Variants in TNPO1 observed in about 807,000 individuals in gnomAD.
TNPO1 encodes transportin 1.
A neutral mutation model predicts 119.5 loss-of-function variants in TNPO1; 8 were observed. The ratio of observed to expected loss-of-function variants is 0.07; its 90% CI spans 0.04 to 0.12. TNPO1 has a LOEUF of 0.12. Ranked by LOEUF, TNPO1 falls within the 10% of genes least tolerant of loss-of-function variation. TNPO1 has a pLI of 1.00. For missense variants in TNPO1, 576 were observed against 1,089.8 expected (o/e 0.53, Z 6.64); for synonymous variants, 362 against 363.0 (o/e 1.00, Z 0.03).
intron 9 of TNPO1, among the ~76,000 whole-genome samples, chr5:72,878,167 C>T (rs1324721257): frequency 6.6e-6 from 1 of 151,932 alleles, no homozygotes; most frequent in African/African-American, 2.4e-5. Context: ...GAGAGAGAGA[C>T]TGTTCTCTGC....
chr5:72,817,889 G>T (rs1222137002), intron 1 of TNPO1, among the ~76,000 whole-genome samples: 6 of 152,186 alleles, frequency 3.9e-5, no homozygotes, highest in Non-Finnish European at 8.8e-5. Flanking sequence ...AAGAAGCTAT[G>T]TTTAGTGGAA....
intron 9 of TNPO1, among the ~76,000 whole-genome samples, chr5:72,881,938 C>G (rs1748274556): frequency 6.6e-6 from 1 of 152,112 alleles, no homozygotes; most frequent in South Asian, 2.1e-4. Context: ...AAAACTCAAA[C>G]TTTTTTTGAG....
chr5:72,867,345 T>C (rs1746988570), intron 6 of TNPO1, among the ~76,000 whole-genome samples: 1 of 151,832 alleles, frequency 6.6e-6, no homozygotes, highest in South Asian at 2.1e-4. Context: ...TAATACCTTA[T>C]TAATGTAGTT....
chr5:72,864,954 A>G (rs960978090), intron 5 of TNPO1, among the ~76,000 whole-genome samples: 8 of 152,196 alleles, frequency 5.3e-5, no homozygotes, highest in African/African-American at 1.9e-4. Context: ...TGCTTCAAAA[A>G]GAAAAGTATT....
intron 1 of TNPO1, among the ~76,000 whole-genome samples, chr5:72,837,802 CA>C (rs1744749331): frequency 6.6e-6 from 1 of 152,166 alleles, no homozygotes; most frequent in African/African-American, 2.4e-5. Context: ...CGCCATTTCA[CA>C]GATGACTAAA....
In TNPO1 at chr5:72,866,625, A is replaced by G. The variant is rs528795335; in HGVS notation, c.596+896A>G. ...AAAAATTAGCTGGGCATGGTGTCAC[A>G]CACCTGTGGTCCGAGCTACTTGAAG... On this transcript the variant is annotated intron_variant, in intron 6 of 24. Transcript: ENST00000337273. Among the ~76,000 whole-genome samples, 10 of 152,150 alleles carry G rather than the reference A, an allele frequency of 6.6e-5. No individual in the cohort carries two copies. In the South Asian group the frequency reaches 1.9e-3, roughly 28 times the overall value.
At chr5:72,900,226 T>A in intron 21 of TNPO1, 145 bp downstream of exon 21, 1 of 654,480 alleles carries the variant, frequency 1.5e-6, no homozygotes, top group East Asian at 2.8e-5. Flanking sequence ...TCCTATCAGG[T>A]TTGTGAGGTT....
intron 7 of TNPO1, 37 bp downstream of exon 7, chr5:72,872,757 C>CTTT: frequency 1.9e-5 from 22 of 1,183,286 alleles, no homozygotes; most frequent in South Asian, 1.3e-4. Context: ...AACCCCCCAG[C>CTTT]TTTTTTTTTT....
At position 72,877,387 on chromosome 5, in the gene TNPO1, T is replaced by C. The variant is rs372285952; in HGVS notation, c.920+41T>C. 3.1e-5 allele frequency: 28 copies of C among 916,992 alleles called. No individual in the cohort carries two copies. In the African/African-American group the frequency reaches 4.7e-4, roughly 15 times the overall value. 56.8% of individuals were successfully genotyped at this position (916,992 alleles called of 1,614,324 possible). A position where few individuals can be genotyped will look rare whatever the true frequency, so the allele number is the denominator to read the frequency against. ...TATAAATGCTGCCTTGTTCTTTAAT[T>C]TCTTAAGTGATTCTTCATTTTCATA... is the stretch of plus-strand genomic sequence containing the variant. On this transcript the variant is annotated intron_variant, in intron 9 of 24. Transcript: ENST00000337273.
At chr5:72,892,147 T>C (rs916709845) in intron 15 of TNPO1, among the ~76,000 whole-genome samples, 1 of 152,106 alleles carries the variant, frequency 6.6e-6, no homozygotes, top group African/African-American at 2.4e-5. Context: ...GTAGATAACA[T>C]ACTGGGAGGA....
intron 11 of TNPO1, 142 bp from the exon 12 acceptor site, chr5:72,886,928 C>T (rs140540470): frequency 0.013 from 6,781 of 518,596 alleles, 82 homozygotes; most frequent in Middle Eastern, 0.017. Flanking sequence ...AATGTTTTCA[C>T]GTGACAAACT....
intron 1 of TNPO1, 103 bp downstream of exon 1, chr5:72,816,855 C>G: frequency 7.2e-7 from 1 of 1,397,568 alleles, no homozygotes; most frequent in Non-Finnish European, 9.6e-7. Flanking sequence ...CCGGGCTCGC[C>G]CGCTCTCTCG....
In TNPO1 at chr5:72,822,322, A is replaced by G. The variant is rs1188634002; in HGVS notation, c.15+5570A>G. On this transcript the variant is annotated intron_variant, in intron 1 of 24. Coordinates refer to ENST00000337273, the MANE Select transcript of TNPO1 (RefSeq NM_002270.4). Reference sequence around the variant, plus strand: ...CAGAAAAATGCAAAGTAAAGCAGTGACTTTTTTTTTTTTCTCATTATACTG... The same window carrying G: ...CAGAAAAATGCAAAGTAAAGCAGTGGCTTTTTTTTTTTTCTCATTATACTG... Among the ~76,000 whole-genome samples, 8 of 112,294 alleles carry G rather than the reference A, an allele frequency of 7.1e-5. No individual in the cohort carries two copies. The South Asian group carries it at 1.8e-3, about 26-fold the overall frequency. The allele number at this position is 112,294 out of a possible 152,430, so 73.7% of individuals were successfully genotyped here.
intron 13 of TNPO1, 84 bp downstream of exon 13, chr5:72,888,387 C>G (rs759916089): frequency 1.9e-4 from 229 of 1,209,998 alleles, no homozygotes; most frequent in Non-Finnish European, 2.5e-4. Context: ...GGTGTTAAAC[C>G]TATAATGAAG....
chr5:72,871,178 T>C (rs1488760267), intron 6 of TNPO1, among the ~76,000 whole-genome samples: 1 of 152,134 alleles, frequency 6.6e-6, no homozygotes, highest in Non-Finnish European at 1.5e-5. Context: ...GGTTTCACCA[T>C]GTTGGCCAGG....
chr5:72,874,355 C>G (rs766613250), intron 7 of TNPO1, among the ~76,000 whole-genome samples: 4 of 152,082 alleles, frequency 2.6e-5, no homozygotes, highest in Admixed American at 1.3e-4. Context: ...TTATTGGTTA[C>G]CAGTACATGG....
At chr5:72,866,550 T>C (rs1746919660) in intron 6 of TNPO1, among the ~76,000 whole-genome samples, 1 of 151,920 alleles carries the variant, frequency 6.6e-6, no homozygotes, top group African/African-American at 2.4e-5. Context: ...GCTCAGGAGT[T>C]CAAGACTAGC....
At chr5:72,839,644 C>T (rs1744827030) in intron 1 of TNPO1, among the ~76,000 whole-genome samples, 1 of 152,090 alleles carries the variant, frequency 6.6e-6, no homozygotes, top group Non-Finnish European at 1.5e-5. Context: ...CCATATTAAT[C>T]GGTGCAGTCT....
chr5:72,857,892 A>G (rs1461996684), intron 4 of TNPO1, among the ~76,000 whole-genome samples: 1 of 152,240 alleles, frequency 6.6e-6, no homozygotes, highest in African/African-American at 2.4e-5. Context: ...GAACATGTTT[A>G]GGAGCTGACT....
Sources: gnomAD v4.1 joint callset for allele counts (sites outside exome capture counted in the v4.1 genomes callset) on GRCh38, gnomAD v4.1.1 for gene constraint, MANE v1.5 for transcripts, NCBI Gene and HGNC (gene_info 2026-07-23, HGNC 2026-07-21) for gene names.